Variants in HECW2 observed in about 807,000 individuals in gnomAD.
The protein encoded by HECW2 is HECT, C2 and WW domain containing E3 ubiquitin protein ligase 2.
A neutral mutation model predicts 175.2 loss-of-function variants in HECW2; 61 were observed. That is an observed-to-expected ratio of 0.35 (90% CI 0.28 to 0.43). HECW2 has a LOEUF of 0.43. Ranked by LOEUF, HECW2 falls within the 20% of genes least tolerant of loss-of-function variation. The pLI, the probability that HECW2 is intolerant of heterozygous loss-of-function variation, is 1.00. For missense variants in HECW2, 1,524 were observed against 2,000.5 expected (o/e 0.76, Z 4.54); for synonymous variants, 671 against 731.0 (o/e 0.92, Z 1.32).
At chr2:196,572,664 A>G (rs970532064) in intron 1 of HECW2, among the ~76,000 whole-genome samples, 3 of 152,178 alleles carry the variant, frequency 2.0e-5, no homozygotes, top group Non-Finnish European at 4.4e-5. Context: ...CCTACTCCCA[A>G]TGTGATGGTA....
At chr2:196,257,983 T>C (rs951950548) in intron 17 of HECW2, 77 bp from the exon 18 acceptor site, 22 of 1,015,788 alleles carry the variant, frequency 2.2e-5, no homozygotes, top group Non-Finnish European at 1.1e-5. Flanking sequence ...GAGCATTTTT[T>C]ATAATAGTCA....
chr2:196,424,154 T>C (rs1197141140), intron 2 of HECW2, among the ~76,000 whole-genome samples: 1 of 152,064 alleles, frequency 6.6e-6, no homozygotes, highest in African/African-American at 2.4e-5. Flanking sequence ...TCAGTGGTCT[T>C]TTGATGATAT....
chr2:196,497,577 G>C (rs1381242789), intron 1 of HECW2, among the ~76,000 whole-genome samples: 1 of 152,094 alleles, frequency 6.6e-6, no homozygotes, highest in African/African-American at 2.4e-5. Flanking sequence ...AGAAGCAAAA[G>C]GTTTTCTCTG....
chr2:196,382,215 ATG>A (rs59201871), intron 2 of HECW2, among the ~76,000 whole-genome samples: 103,425 of 148,254 alleles, frequency 0.7, 37,506 homozygotes, highest in East Asian at 0.84. Context: ...TACATATAGT[ATG>A]TGTGTGTGTG....
At chr2:196,362,097 GA>G in intron 2 of HECW2, 1 of 985,304 alleles carries the variant, frequency 1.0e-6, no homozygotes, top group Non-Finnish European at 1.2e-6. Flanking sequence ...TCTCTAACAA[GA>G]GGCTCCTGTC....
intron 1 of HECW2, among the ~76,000 whole-genome samples, chr2:196,445,800 T>C (rs748836982): frequency 6.6e-6 from 1 of 152,158 alleles, no homozygotes; most frequent in Non-Finnish European, 1.5e-5. Flanking sequence ...AGAGTACGAC[T>C]AAAAAATATG....
intron 17 of HECW2, chr2:196,263,101 G>A (rs1387615518): frequency 6.6e-6 from 1 of 150,968 alleles, no homozygotes; most frequent in African/African-American, 2.4e-5. Context: ...TACTAAAACA[G>A]AATCCACTGG....
chr2:196,383,701 A>G (rs531267280), intron 2 of HECW2, among the ~76,000 whole-genome samples: 2 of 152,340 alleles, frequency 1.3e-5, no homozygotes, highest in East Asian at 3.9e-4. Context: ...GTGACAGTCA[A>G]GGTTTGGAGT....
intron 1 of HECW2, among the ~76,000 whole-genome samples, chr2:196,479,404 G>C: frequency 6.6e-6 from 1 of 152,194 alleles, no homozygotes; most frequent in East Asian, 1.9e-4. Context: ...TCCAGAACAA[G>C]AAGTGCTACT....
chr2:196,529,110 A>G (rs1387308137), intron 1 of HECW2, among the ~76,000 whole-genome samples: 2 of 152,196 alleles, frequency 1.3e-5, no homozygotes, highest in Non-Finnish European at 2.9e-5. Context: ...CCTACACACA[A>G]TTACCCTGTA....
chr2:196,216,690 G>T (rs999246817), intron 27 of HECW2, among the ~76,000 whole-genome samples: 1 of 152,104 alleles, frequency 6.6e-6, no homozygotes, highest in African/African-American at 2.4e-5. Flanking sequence ...TAGGGATGCC[G>T]GCCTGCACTT....
intron 4 of HECW2, among the ~76,000 whole-genome samples, chr2:196,333,260 TTTC>T (rs946183723): frequency 3.9e-5 from 6 of 152,054 alleles, no homozygotes; most frequent in Admixed American, 2.0e-4. Context: ...TGACGGCGTT[TTTC>T]TTCATCATTT....
intron 1 of HECW2, among the ~76,000 whole-genome samples, chr2:196,588,250 C>A (rs893282335): frequency 5.3e-5 from 8 of 152,176 alleles, no homozygotes; most frequent in African/African-American, 1.7e-4. Context: ...GATATATTCC[C>A]AGCACCTAGA....
rs150114579 is a variant in HECW2 at position 196,323,279 on chromosome 2, G to A, written c.742-659C>T. 3.8e-3 allele frequency among the ~76,000 whole-genome samples: 572 copies of A among 152,272 alleles called. 6 individuals are homozygous for A. Among genetic ancestry groups the A allele is most frequent in the South Asian group, 0.011 (55 of 4,826 alleles). ...AATGCCACTGGGGAAATTTGGATCG[G>A]ACATTAATAAGGATATAAAATAAAT... is the stretch of plus-strand genomic sequence containing the variant. On this transcript the variant is annotated intron_variant, in intron 6 of 28. Coordinates refer to ENST00000644978, the MANE Select transcript of HECW2 (RefSeq NM_001348768.2).
At chr2:196,261,711 T>C (rs1225227103) in intron 17 of HECW2, among the ~76,000 whole-genome samples, 1 of 152,262 alleles carries the variant, frequency 6.6e-6, no homozygotes, top group African/African-American at 2.4e-5. Flanking sequence ...TGATTTTTTC[T>C]AGTTTTTAAC....
intron 1 of HECW2, among the ~76,000 whole-genome samples, chr2:196,513,680 T>C (rs892785085): frequency 1.5e-4 from 23 of 152,176 alleles, no homozygotes; most frequent in African/African-American, 5.3e-4. Flanking sequence ...CAAATAAAGA[T>C]AGTAAGAAGC....
intron 16 of HECW2, among the ~76,000 whole-genome samples, chr2:196,273,634 C>T (rs1252797586): frequency 6.6e-6 from 1 of 152,192 alleles, no homozygotes; most frequent in Non-Finnish European, 1.5e-5. Context: ...GAGGCTGCTA[C>T]AGATTCACAC....
chr2:196,216,038 A>G, intron 27 of HECW2, 61 bp from the exon 28 acceptor site: 1 of 1,173,404 alleles, frequency 8.5e-7, no homozygotes, highest in Non-Finnish European at 1.3e-6. Flanking sequence ...CAGGAAAGGC[A>G]TCACGTCATT....
chr2:196,592,913 G>T (rs1691258468), intron 1 of HECW2: 1 of 151,070 alleles, frequency 6.6e-6, no homozygotes, highest in South Asian at 2.1e-4. Flanking sequence ...GGCGGCCGGG[G>T]GCGCCGCCGC....
Sources: allele counts gnomAD v4.1 joint callset (sites outside exome capture counted in the v4.1 genomes callset), GRCh38; gene constraint gnomAD v4.1.1; transcripts MANE v1.5; gene names NCBI Gene and HGNC (gene_info 2026-07-23, HGNC 2026-07-21).